The following AJAP1 variants were observed in gnomAD, a reference collection of about 807,000 sequenced individuals.
The protein encoded by AJAP1 is adherens junction-associated protein 1.
A neutral mutation model predicts 35.0 loss-of-function variants in AJAP1; 5 were observed. That is an observed-to-expected ratio of 0.14 (90% CI 0.07 to 0.30). The LOEUF is 0.30. Among genes scored for constraint, AJAP1 ranks in the 10% least tolerant of loss-of-function variants. The probability of loss-of-function intolerance (pLI) is 1.00; values close to 1 mark genes in which losing one functional copy is unlikely to be tolerated. For missense variants in AJAP1, 586 were observed against 571.0 expected (o/e 1.03, Z -0.27); for synonymous variants, 284 against 249.3 (o/e 1.14, Z -1.31).
At chr1:4,691,320 G>A (rs947885607) in intron 1 of AJAP1, among the ~76,000 whole-genome samples, 4 of 152,206 alleles carry the variant, frequency 2.6e-5, no homozygotes, top group African/African-American at 9.6e-5. Flanking sequence ...GAGCTGGGCA[G>A]CCAGGGTCAG....
intron 2 of AJAP1, among the ~76,000 whole-genome samples, chr1:4,743,880 T>C (rs2100321082): frequency 6.6e-6 from 1 of 152,206 alleles, no homozygotes; most frequent in South Asian, 2.1e-4. Context: ...CTTGATGATA[T>C]AATTACGGGA....
chr1:4,741,765 G>GTAAA (rs1162000657), intron 2 of AJAP1, among the ~76,000 whole-genome samples: 1 of 152,200 alleles, frequency 6.6e-6, no homozygotes, highest in African/African-American at 2.4e-5. Context: ...GGCTCATTGG[G>GTAAA]TAAATGGCTG....
At chr1:4,670,821 C>T (rs998303035) in intron 1 of AJAP1, among the ~76,000 whole-genome samples, 1 of 152,250 alleles carries the variant, frequency 6.6e-6, no homozygotes, top group Admixed American at 6.5e-5. Flanking sequence ...ATGTTCTTCC[C>T]TTTCCCTTCC....
At position 4,720,457 on chromosome 1, in the gene AJAP1, C is replaced by A. The variant is rs1640491834; in HGVS notation, c.829+7758C>A. Among the ~76,000 whole-genome samples, 1 of 152,238 alleles carries A rather than the reference C, an allele frequency of 6.6e-6. No homozygotes were observed. Among genetic ancestry groups the A allele is most frequent in the African/African-American group, 2.4e-5 (1 of 41,466 alleles). On this transcript the variant is annotated intron_variant, in intron 2 of 5. Transcript: ENST00000378191. The surrounding 1 kb of genome is among the most constrained non-coding windows in gnomAD (Gnocchi z 4.4). ...TAGGTGGGCCATGTCAGGGACAAAG[C>A]TGGTGCCAGCGGAGAGAGCGCCCAC...
Position 4,655,412 on chromosome 1 carries a change from C to G in AJAP1, c.-14C>G, listed in dbSNP as rs199981302. 7.4e-4 allele frequency: 1,162 copies of G among 1,562,444 alleles called. 1 individual carries two copies. The highest frequency in any genetic ancestry group is 9.3e-4 in the Non-Finnish European group (1,069 of 1,154,690). On this transcript the variant is annotated 5_prime_UTR_variant, in exon 1 of 6. Coordinates refer to ENST00000378191, the MANE Select transcript of AJAP1 (RefSeq NM_018836.4). This position sits in a 1 kb window ranked among gnomAD's most constrained non-coding sequence, Gnocchi z 6.9. Reference sequence around the variant, plus strand: ...GCGAGCCAGGTCTGAGGCCCCGCTCCCCGAAACGTGACCATGTGGATTCAA... The same window carrying G: ...GCGAGCCAGGTCTGAGGCCCCGCTCGCCGAAACGTGACCATGTGGATTCAA...
At position 4,782,045 on chromosome 1, in the gene AJAP1, G is replaced by A. The variant is rs997624740; in HGVS notation, c.*60-500G>A. Among the ~76,000 whole-genome samples, 12 of 152,148 alleles carry A rather than the reference G, an allele frequency of 7.9e-5. No individual in the cohort carries two copies. The highest frequency in any genetic ancestry group is 2.7e-4 in the African/African-American group (11 of 41,434). ...TTTATCTCTCCCGAATTCTGGCCTCGGGGATCCTGCAGCTGAGTAGTGGAC... is the reference window on the plus strand; with the variant it reads ...TTTATCTCTCCCGAATTCTGGCCTCAGGGATCCTGCAGCTGAGTAGTGGAC... On this transcript the variant is annotated intron_variant, in intron 5 of 5. Transcript: ENST00000378191. The surrounding 1 kb of genome is among the most constrained non-coding windows in gnomAD (Gnocchi z 5.3).
At chr1:4,681,970 T>C (rs896750013) in intron 1 of AJAP1, among the ~76,000 whole-genome samples, 7 of 152,162 alleles carry the variant, frequency 4.6e-5, no homozygotes, top group African/African-American at 7.2e-5. Context: ...CCTATAATGA[T>C]CTTCATTTTA....
intron 2 of AJAP1, among the ~76,000 whole-genome samples, chr1:4,759,231 A>C (rs548034753): frequency 3.9e-5 from 6 of 152,162 alleles, no homozygotes; most frequent in Non-Finnish European, 8.8e-5. Context: ...GCTGGATGGC[A>C]CATCAGTCCT....
intron 5 of AJAP1, 74 bp downstream of exon 5, chr1:4,774,632 T>C (rs1434111814): frequency 2.4e-6 from 2 of 822,134 alleles, no homozygotes; most frequent in East Asian, 2.5e-5. Context: ...CCTGCACTCT[T>C]TGGGATCACT....
chr1:4,732,839 G>T (rs908643859), intron 2 of AJAP1, among the ~76,000 whole-genome samples: 1 of 152,228 alleles, frequency 6.6e-6, no homozygotes, highest in African/African-American at 2.4e-5. Flanking sequence ...GTAAGTTACA[G>T]TCTGCTTCGA....
intron 2 of AJAP1, among the ~76,000 whole-genome samples, chr1:4,757,109 A>C (rs1299698227): frequency 6.6e-6 from 1 of 152,202 alleles, no homozygotes; most frequent in Non-Finnish European, 1.5e-5. Context: ...GGAGGATTTC[A>C]TGTGGCTCCT....
Position 4,723,311 on chromosome 1 carries a change from T to C in AJAP1, c.829+10612T>C, listed in dbSNP as rs1640565988. ...CAAGGGGAGCGCCTGTGGATACTCC[T>C]TGGATTCCTGAGTCTGCCACTCGGG... On this transcript the variant is annotated intron_variant, in intron 2 of 5. Transcript: ENST00000378191. This position sits in a 1 kb window ranked among gnomAD's most constrained non-coding sequence, Gnocchi z 4.3. Among the ~76,000 whole-genome samples the C allele has an allele frequency of 6.6e-6, 1 of 152,168 alleles. No individual in the cohort carries two copies. Among genetic ancestry groups the C allele is most frequent in the Admixed American group, 6.5e-5 (1 of 15,284 alleles).
chr1:4,676,811 T>G (rs146300702), intron 1 of AJAP1, among the ~76,000 whole-genome samples: 5 of 152,212 alleles, frequency 3.3e-5, no homozygotes, highest in East Asian at 1.9e-4. Flanking sequence ...TTCTCGAATT[T>G]GCCAAGAGTG....
Position 4,771,539 on chromosome 1 carries a change from T to G in AJAP1, c.918-741T>G, listed in dbSNP as rs564297023. ...GGCCTCCCAGCCAGCCCCCTTGTCC[T>G]TCCTGTGCTCTCATCATAGAAGTGG... On this transcript the variant is annotated intron_variant, in intron 3 of 5. Transcript: ENST00000378191. Among the ~76,000 whole-genome samples, 13 of 152,282 alleles carry G rather than the reference T, an allele frequency of 8.5e-5. No individual in the cohort carries two copies. In the East Asian group the frequency reaches 2.5e-3, roughly 30 times the overall value.
chr1:4,756,160 G>A (rs1040397220), intron 2 of AJAP1, among the ~76,000 whole-genome samples: 3 of 152,180 alleles, frequency 2.0e-5, no homozygotes, highest in African/African-American at 7.2e-5. Context: ...TTTGGCAGCT[G>A]CATCAGTGAG....
intron 2 of AJAP1, among the ~76,000 whole-genome samples, chr1:4,718,329 C>T (rs1640441776): frequency 6.6e-6 from 1 of 152,128 alleles, no homozygotes; most frequent in African/African-American, 2.4e-5. Context: ...TCTTGCATTT[C>T]CCTGTCAAAT....
chr1:4,658,929 G>T (rs1208113465), intron 1 of AJAP1, among the ~76,000 whole-genome samples: 1 of 152,050 alleles, frequency 6.6e-6, no homozygotes, highest in Non-Finnish European at 1.5e-5. Context: ...GGGGTCGCTG[G>T]AGGTGCTTCT....
At chr1:4,662,068 C>G (rs202089205) in intron 1 of AJAP1, among the ~76,000 whole-genome samples, 16 of 124,274 alleles carry the variant, frequency 1.3e-4, no homozygotes, top group Non-Finnish European at 1.9e-4. Flanking sequence ...GTGTGTGTGT[C>G]TGTGTGTGTG....
At chr1:4,740,785 C>CAAAAAAAA (rs34897087) in intron 2 of AJAP1, among the ~76,000 whole-genome samples, 4 of 66,964 alleles carry the variant, frequency 6.0e-5, no homozygotes, top group African/African-American at 2.2e-4. Context: ...GACTCCGTCT[C>CAAAAAAAA]AAAAAAAAAA....
Sources: allele counts gnomAD v4.1 joint callset (sites outside exome capture counted in the v4.1 genomes callset), GRCh38; gene constraint gnomAD v4.1.1; non-coding constraint Gnocchi (gnomAD v3.1); transcripts MANE v1.5; gene names NCBI Gene and HGNC (gene_info 2026-07-23, HGNC 2026-07-21).